The following ELL variants were observed in gnomAD, a reference collection of about 807,000 sequenced individuals.
ELL encodes the protein elongation factor for RNA polymerase II, also known as RNA polymerase II elongation factor ELL.
A neutral mutation model predicts 64.0 loss-of-function variants in ELL; 18 were observed. The ratio of observed to expected loss-of-function variants is 0.28; its 90% CI spans 0.19 to 0.42. The LOEUF (loss-of-function observed/expected upper bound fraction) is 0.42. ELL is among the 10% of genes least tolerant of loss of function. The pLI, the probability that ELL is intolerant of heterozygous loss-of-function variation, is 1.00. For synonymous variants in ELL, 399 were observed against 376.2 expected, an observed-to-expected ratio of 1.06 and a Z score of -0.70; for missense variants, 797 against 870.4, an observed-to-expected ratio of 0.92 and a Z score of 1.06.
intron 11 of ELL, 36 bp downstream of exon 11, chr19:18,445,188 T>C: frequency 1.2e-6 from 2 of 1,613,424 alleles, no homozygotes; most frequent in Non-Finnish European, 1.7e-6. Context: ...CTCCCATGGC[T>C]CACTTGGAGC....
intron 8 of ELL, among the ~76,000 whole-genome samples, chr19:18,447,551 C>T (rs1485777358): frequency 6.6e-6 from 1 of 152,230 alleles, no homozygotes; most frequent in African/African-American, 2.4e-5. Context: ...CAGCTGATGG[C>T]TAGATGGCAC....
intron 1 of ELL, among the ~76,000 whole-genome samples, chr19:18,507,361 A>G (rs1196678930): frequency 6.6e-6 from 1 of 152,272 alleles, no homozygotes; most frequent in Non-Finnish European, 1.5e-5. Context: ...GCCTGGCCAC[A>G]GACCCACAGC....
At chr19:18,486,033 C>A (rs1472385234) in intron 1 of ELL, among the ~76,000 whole-genome samples, 1 of 151,964 alleles carries the variant, frequency 6.6e-6, no homozygotes, top group Non-Finnish European at 1.5e-5. Flanking sequence ...ACAGTTAAGG[C>A]ACTCTCCTGG....
intron 1 of ELL, among the ~76,000 whole-genome samples, chr19:18,475,584 A>G (rs536031110): frequency 1.1e-3 from 172 of 152,364 alleles, no homozygotes; most frequent in Admixed American, 2.5e-3. Context: ...AAGCGGCAGT[A>G]GCCCAAATGT....
chr19:18,492,404 C>T (rs1975552091), intron 1 of ELL, among the ~76,000 whole-genome samples: 3 of 152,154 alleles, frequency 2.0e-5, no homozygotes, highest in South Asian at 4.1e-4. Context: ...TAAACTAAAA[C>T]GTAGCATTTC....
At chr19:18,466,397 C>T (rs955893583) in intron 2 of ELL, among the ~76,000 whole-genome samples, 2 of 152,196 alleles carry the variant, frequency 1.3e-5, no homozygotes, top group Non-Finnish European at 2.9e-5. Flanking sequence ...CTCTCAGCAT[C>T]CCCCCACAAA....
At chr19:18,482,032 T>C (rs187324860) in intron 1 of ELL, among the ~76,000 whole-genome samples, 140 of 152,294 alleles carry the variant, frequency 9.2e-4, no homozygotes, top group Admixed American at 1.8e-3. Flanking sequence ...TGTCAGCTTA[T>C]TTAAAATGTC....
intron 6 of ELL, among the ~76,000 whole-genome samples, chr19:18,457,093 G>C (rs1014523480): frequency 2.6e-5 from 4 of 152,186 alleles, no homozygotes; most frequent in Admixed American, 6.5e-5. Context: ...CCCCATGCCG[G>C]CCCAGAGTGA....
chr19:18,516,249 A>G (rs959572066), intron 1 of ELL, among the ~76,000 whole-genome samples: 1 of 152,128 alleles, frequency 6.6e-6, no homozygotes, highest in African/African-American at 2.4e-5. Context: ...AGGGCCACCC[A>G]GAAGAGCTGA....
intron 1 of ELL, among the ~76,000 whole-genome samples, chr19:18,485,884 G>A (rs1463855076): frequency 6.6e-6 from 1 of 151,938 alleles, no homozygotes; most frequent in Admixed American, 6.6e-5. Flanking sequence ...TATTTGGGAG[G>A]CTGAGGCAGG....
chr19:18,445,612 T>C (rs1974396966), intron 10 of ELL, among the ~76,000 whole-genome samples: 1 of 151,990 alleles, frequency 6.6e-6, no homozygotes, highest in Non-Finnish European at 1.5e-5. Context: ...CAAGAACCCG[T>C]GGCTCGCAGC....
chr19:18,464,232 G>A (rs1271739683), intron 4 of ELL, among the ~76,000 whole-genome samples: 1 of 152,108 alleles, frequency 6.6e-6, no homozygotes, highest in Non-Finnish European at 1.5e-5. Context: ...AGCCATGTGT[G>A]GTGGCACACA....
chr19:18,460,450 GCA>G (rs1365977352), intron 5 of ELL, among the ~76,000 whole-genome samples: 3 of 152,218 alleles, frequency 2.0e-5, no homozygotes, highest in African/African-American at 7.2e-5. Context: ...CCAGGCACCA[GCA>G]CAGACACCTC....
intron 10 of ELL, 126 bp downstream of exon 10, chr19:18,446,183 G>C: frequency 8.3e-7 from 1 of 1,198,986 alleles, no homozygotes. Context: ...GCACCAGGGG[G>C]AGAAGCGCTG....
intron 1 of ELL, among the ~76,000 whole-genome samples, chr19:18,512,322 G>A (rs8112372): frequency 0.32 from 48,430 of 151,518 alleles, 9,672 homozygotes; most frequent in African/African-American, 0.57. Context: ...AGAAAGCTCC[G>A]TCTCAAAAAT....
intron 11 of ELL, 107 bp downstream of exon 11, chr19:18,445,117 C>A (rs1974384968): frequency 6.7e-7 from 1 of 1,483,236 alleles, no homozygotes; most frequent in African/African-American, 1.4e-5. Context: ...AAAGGCTCTT[C>A]CCCCACACCT....
intron 2 of ELL, among the ~76,000 whole-genome samples, chr19:18,472,092 A>G (rs1416061063): frequency 6.6e-6 from 1 of 151,904 alleles, no homozygotes; most frequent in East Asian, 1.9e-4. Flanking sequence ...CCTCCTGAGT[A>G]GCTAAGATTA....
rs552622975 is a variant in ELL, at chr19:18,465,831, C to A, written c.271G>T (p.Gly91Cys). The change falls in exon 3 of 12, where the codon GGC (glycine) becomes TGC (cysteine). Residue 91 changes from glycine (G) to cysteine (C), a missense_variant. Physicochemically the swap from Gly to Cys is radical, Grantham distance 159. Transcript: ENST00000262809. The stretch of plus-strand genomic sequence containing the variant: ...TACTGCTGGATGCAGTCGAAGCTGC[C>A]CTGGGGGTTGTCGCGGCCGATGTTG... ...LSNIGRDNPQ[G>C]SFDCIQQYVS... 1.5e-5 allele frequency: 21 copies of A among 1,357,938 alleles called. 1 individual carries two copies. In the South Asian group the frequency reaches 4.3e-4, roughly 28 times the overall value. The allele number at this position is 1,357,938 out of a possible 1,614,324, so 84.1% of individuals were successfully genotyped here.
chr19:18,501,255 C>G lies in ELL; in HGVS notation c.135+20666G>C, dbSNP rs1035793482. Among the ~76,000 whole-genome samples the G allele has an allele frequency of 1.3e-5, 2 of 152,066 alleles. No homozygotes were observed. The highest frequency in any genetic ancestry group is 4.8e-5 in the African/African-American group (2 of 41,388). On this transcript the variant is annotated intron_variant, in intron 1 of 11. Coordinates refer to ENST00000262809, the MANE Select transcript of ELL (RefSeq NM_006532.4). The surrounding 1 kb of genome is among the most constrained non-coding windows in gnomAD (Gnocchi z 4.5). ...CAGTGGTGAGCACAGCCATGGACCA[C>G]AGAGAGTAACGCAAGTGGGCAAAAC...
Sources: allele counts gnomAD v4.1 joint callset (sites outside exome capture counted in the v4.1 genomes callset), GRCh38; gene constraint gnomAD v4.1.1; non-coding constraint Gnocchi (gnomAD v3.1); transcripts MANE v1.5; gene names NCBI Gene and HGNC (gene_info 2026-07-23, HGNC 2026-07-21).